Variants in IRS2 observed in about 807,000 individuals in gnomAD.
IRS2 encodes insulin receptor substrate 2.
IRS2 carries 28 observed loss-of-function variants against 70.9 expected under a neutral mutation model. That is an observed-to-expected ratio of 0.39 (90% confidence interval 0.29 to 0.54). IRS2 has a LOEUF of 0.54. Ranked by LOEUF, IRS2 falls within the 20% of genes least tolerant of loss-of-function variation. The pLI, the probability that IRS2 is intolerant of heterozygous loss-of-function variation, is 0.59. For synonymous variants in IRS2, 1,217 were observed against 981.9 expected (o/e 1.24, Z -4.48); for missense variants, 2,081 against 2,024.1 (o/e 1.03, Z -0.54).
Position 109,786,101 on chromosome 13 carries a change from G to C in IRS2, c.-48C>G, listed in dbSNP as rs1877916406. ...GCCCGGGCCCGGCGCCCAGGGGTTG[G>C]GGCGAGGGGCGGAGGGGGCGCGGGC... On this transcript the variant is annotated 5_prime_UTR_variant, in exon 1 of 2. Transcript: ENST00000375856. This position sits in a 1 kb window ranked among gnomAD's most constrained non-coding sequence, Gnocchi z 4.4. 5 of 994,330 alleles carry C rather than the reference G, an allele frequency of 5.0e-6. No homozygotes were observed. Among genetic ancestry groups the C allele is most frequent in the Non-Finnish European group, 6.0e-6 (5 of 837,486 alleles). The allele number at this position is 994,330 out of a possible 1,614,324, so 61.6% of individuals were successfully genotyped here.
At position 109,783,063 on chromosome 13, in the gene IRS2, G is replaced by C; in HGVS notation, c.2991C>G (p.His997Gln). The C allele has an allele frequency of 1.4e-6, 2 of 1,379,682 alleles. No homozygotes were observed. 85.5% of individuals were successfully genotyped at this position (1,379,682 alleles called of 1,614,324 possible). A position where few individuals can be genotyped will look rare whatever the true frequency, so the allele number is the denominator to read the frequency against. The change falls in exon 1 of 2, where the codon CAC becomes CAG. Residue 997 changes from histidine to glutamine, a missense_variant. Physicochemically the swap from His to Gln is conservative, Grantham distance 24 (BLOSUM62 0). Around this residue, in one of 4 missense-constraint regions of IRS2, gnomAD observed 1,615 missense variants for 1,459.5 expected, o/e 1.11. Coordinates refer to ENST00000375856, the MANE Select transcript of IRS2 (RefSeq NM_003749.3). ...KSPKPGAPSG[H>Q]PVGSLDGLLS... Reference sequence around the variant, plus strand: ...GGAGGCCGTCCAAGGAGCCCACGGGGTGGCCGCTCGGGGCGCCCGGCTTAG... The same window carrying C: ...GGAGGCCGTCCAAGGAGCCCACGGGCTGGCCGCTCGGGGCGCCCGGCTTAG...
Position 109,784,832 on chromosome 13 carries a change from C to G in IRS2, c.1222G>C (p.Gly408Arg). ...PLSRSHTLSG[G>R]CGGRGSKVAL... ...ACCTTGCTCCCGCGGCCGCCGCAGC[C>G]GCCGCTCAGGGTGTGCGAGCGGCTC... The change falls in exon 1 of 2, where the codon GGC (glycine) becomes CGC (arginine). Residue 408 changes from glycine (G) to arginine (R), a missense_variant. Coordinates refer to ENST00000375856, the MANE Select transcript of IRS2 (RefSeq NM_003749.3). The surrounding 1 kb of genome is among the most constrained non-coding windows in gnomAD (Gnocchi z 5.2). The G allele has an allele frequency of 8.0e-7, 1 of 1,253,844 alleles. No individual in the cohort carries two copies. The highest frequency in any genetic ancestry group is 1.0e-6 in the Non-Finnish European group (1 of 990,008). 77.7% of individuals were successfully genotyped at this position (1,253,844 alleles called of 1,614,324 possible). A position where few individuals can be genotyped will look rare whatever the true frequency, so the allele number is the denominator to read the frequency against.
intron 1 of IRS2, among the ~76,000 whole-genome samples, chr13:109,759,143 G>A (rs1272078909): frequency 6.6e-6 from 1 of 152,178 alleles, no homozygotes; most frequent in Admixed American, 6.5e-5. Context: ...CAAGCACAAC[G>A]TGCATGTGTC....
intron 1 of IRS2, among the ~76,000 whole-genome samples, chr13:109,772,315 C>G (rs1877469401): frequency 6.6e-6 from 1 of 152,240 alleles, no homozygotes; most frequent in Non-Finnish European, 1.5e-5. Flanking sequence ...GCACCCAAAC[C>G]TTGCTGGGGA....
Position 109,783,577 on chromosome 13 carries a change from A to C in IRS2, c.2477T>G (p.Met826Arg). Reference protein sequence around the residue: ...CGGDSDQYVLMSSPVGRILEE... With the variant: ...CGGDSDQYVLRSSPVGRILEE... Reference sequence around the variant, plus strand: ...CAGGATGCGCCCCACGGGGGAGCTCATGAGCACGTACTGGTCGCTGTCCCC... The same window carrying C: ...CAGGATGCGCCCCACGGGGGAGCTCCTGAGCACGTACTGGTCGCTGTCCCC... The change falls in exon 1 of 2, where the codon ATG becomes AGG. Residue 826 changes from methionine to arginine, a missense_variant. Around this residue, in one of 4 missense-constraint regions of IRS2, gnomAD observed 1,615 missense variants for 1,459.5 expected, o/e 1.11. Transcript: ENST00000375856. 1 of 1,548,910 alleles carries C rather than the reference A, an allele frequency of 6.5e-7. No individual in the cohort carries two copies. The highest frequency in any genetic ancestry group is 8.7e-7 in the Non-Finnish European group (1 of 1,145,994).
chr13:109,783,044 C>T lies in IRS2; in HGVS notation c.3010G>A (p.Gly1004Ser), dbSNP rs1376455593. The change falls in exon 1 of 2, where the codon GGC becomes AGC. Residue 1004 changes from glycine (G) to serine (S), a missense_variant. Physicochemically the swap from Gly to Ser is moderately conservative, Grantham distance 56. Around this residue, in one of 4 missense-constraint regions of IRS2, gnomAD observed 1,615 missense variants for 1,459.5 expected, o/e 1.11. Transcript: ENST00000375856. ...GAGGAGGCCTCGGGGGACAGGAGGC[C>T]GTCCAAGGAGCCCACGGGGTGGCCG... ...PSGHPVGSLD[G>S]LLSPEASSPY... 4 of 1,367,974 alleles carry T rather than the reference C, an allele frequency of 2.9e-6. No homozygotes were observed. Among genetic ancestry groups the T allele is most frequent in the East Asian group, 3.0e-5 (1 of 33,712 alleles). 84.7% of individuals were successfully genotyped at this position (1,367,974 alleles called of 1,614,324 possible).
chr13:109,758,788 T>C (rs1160935215), intron 1 of IRS2, among the ~76,000 whole-genome samples: 2 of 147,532 alleles, frequency 1.4e-5, no homozygotes, highest in African/African-American at 2.5e-5. Context: ...AATTCTACTC[T>C]GGTGCAAGGC....
rs1388637654 is a variant in IRS2 at position 109,756,267 on chromosome 13, G to A, written c.*37C>T. 1.9e-6 allele frequency: 3 copies of A among 1,573,544 alleles called. No homozygotes were observed. The African/African-American group carries it at 4.1e-5, about 21-fold the overall frequency. ...GCGTCTTCTTTTAATGATACTCTCT[G>A]ACATGTGACATCCTGGTGATAAAGC... On this transcript the variant is annotated 3_prime_UTR_variant, in exon 2 of 2. Coordinates refer to ENST00000375856, the MANE Select transcript of IRS2 (RefSeq NM_003749.3).
In IRS2 at chr13:109,782,116, GC is replaced by G. The variant is rs1566411826; in HGVS notation, c.3937del (p.Ala1313ProfsTer18). 2 of 1,610,886 alleles carry G rather than the reference GC, an allele frequency of 1.2e-6. No homozygotes were observed. The highest frequency in any genetic ancestry group is 1.7e-6 in the Non-Finnish European group (2 of 1,179,204). ...GGCGTAGGTGTTGGCAGGGGGCAGG[GC>G]ACCGGGACCCGGCCCCCCGCACCCG... Reference protein sequence around the residue: ...GGGCGGPGPGALPPANTYASI... With the variant: ...GGGCGGPGPGXLPPANTYASI... On this transcript the variant is annotated frameshift_variant, in exon 1 of 2. Transcript: ENST00000375856. LOFTEE classifies it high-confidence loss of function.
At chr13:109,770,566 G>A (rs542981005) in intron 1 of IRS2, among the ~76,000 whole-genome samples, 1 of 152,328 alleles carries the variant, frequency 6.6e-6, no homozygotes, top group East Asian at 1.9e-4. Context: ...TACTGTGAAT[G>A]TTCCAGCAAG....
At chr13:109,763,536 G>A (rs1877272557) in intron 1 of IRS2, among the ~76,000 whole-genome samples, 1 of 152,274 alleles carries the variant, frequency 6.6e-6, no homozygotes, top group East Asian at 1.9e-4. Context: ...GTTTATATAT[G>A]AGATCTACAA....
chr13:109,784,836 G>A lies in IRS2; in HGVS notation c.1218C>T (p.Ser406=), dbSNP rs1877864865. 3 of 1,248,712 alleles carry A rather than the reference G, an allele frequency of 2.4e-6. No homozygotes were observed. Among genetic ancestry groups the A allele is most frequent in the South Asian group, 2.2e-5 (1 of 45,346 alleles). The allele number at this position is 1,248,712 out of a possible 1,614,324, so 77.4% of individuals were successfully genotyped here. Residue 406 remains serine, a synonymous_variant, in exon 1 of 2, where the codon AGC becomes AGT. Coordinates refer to ENST00000375856, the MANE Select transcript of IRS2 (RefSeq NM_003749.3). The surrounding 1 kb of genome is among the most constrained non-coding windows in gnomAD (Gnocchi z 5.2). ...TGCTCCCGCGGCCGCCGCAGCCGCCGCTCAGGGTGTGCGAGCGGCTCAGGG... is the reference window on the plus strand; with the variant it reads ...TGCTCCCGCGGCCGCCGCAGCCGCCACTCAGGGTGTGCGAGCGGCTCAGGG... ...RAPLSRSHTL[S]GGCGGRGSKV... is the part of the protein sequence containing the mutation.
At chr13:109,760,016 T>C (rs575621084) in intron 1 of IRS2, among the ~76,000 whole-genome samples, 1 of 152,314 alleles carries the variant, frequency 6.6e-6, no homozygotes, top group South Asian at 2.1e-4. Flanking sequence ...AAAATCAGCC[T>C]GGTTCATCCT....
intron 1 of IRS2, among the ~76,000 whole-genome samples, chr13:109,775,084 G>T (rs1377358888): frequency 6.7e-6 from 1 of 148,416 alleles, no homozygotes; most frequent in Non-Finnish European, 1.5e-5. Flanking sequence ...AAATATTAAA[G>T]ATTAAGCATT....
chr13:109,771,834 T>C (rs1348421053), intron 1 of IRS2, among the ~76,000 whole-genome samples: 1 of 152,212 alleles, frequency 6.6e-6, no homozygotes, highest in African/African-American at 2.4e-5. Flanking sequence ...CACAGTAAAC[T>C]AGGGTCCCAG....
chr13:109,773,549 C>T (rs1179100640), intron 1 of IRS2, among the ~76,000 whole-genome samples: 2 of 152,158 alleles, frequency 1.3e-5, no homozygotes, highest in African/African-American at 2.4e-5. Context: ...CTAGGCCTTT[C>T]GATTTCACTG....
intron 1 of IRS2, among the ~76,000 whole-genome samples, chr13:109,759,698 A>G (rs1180452520): frequency 6.6e-6 from 1 of 152,086 alleles, no homozygotes; most frequent in Non-Finnish European, 1.5e-5. Context: ...TCTTTGCCAC[A>G]CATACTATTA....
In IRS2 at chr13:109,784,183, G is replaced by T; in HGVS notation, c.1871C>A (p.Ala624Asp). ...GTAGTCCTCTGGGTAGGGGTGGTAG[G>T]CCACCTTGGGAGAGGACGCGGGGCA... ...PSCPASSPKV[A>D]YHPYPEDYGD... Residue 624 changes from alanine (A) to aspartate (D), a missense_variant, in exon 1 of 2, where the codon GCC (alanine) becomes GAC (aspartate). Physicochemically the swap from Ala to Asp is moderately radical, Grantham distance 126. Transcript: ENST00000375856. The surrounding 1 kb of genome is among the most constrained non-coding windows in gnomAD (Gnocchi z 5.2). 1 of 1,578,552 alleles carries T rather than the reference G, an allele frequency of 6.3e-7. No homozygotes were observed.
At position 109,752,944 on chromosome 13, in the gene IRS2, A is replaced by C. The variant is rs1594375994; in HGVS notation, c.*3360T>G. The C allele has an allele frequency of 6.8e-6, 1 of 147,342 alleles. No individual in the cohort carries two copies. The highest frequency in any genetic ancestry group is 1.5e-5 in the Non-Finnish European group (1 of 67,634). 9.1% of individuals were successfully genotyped at this position (147,342 alleles called of 1,614,324 possible). Reference sequence around the variant, plus strand: ...GTCTTCTTCTGTGTTTGTGTCATGGAGGCAGCATTCTTCTTCTTTTTTTTT... The same window carrying C: ...GTCTTCTTCTGTGTTTGTGTCATGGCGGCAGCATTCTTCTTCTTTTTTTTT... On this transcript the variant is annotated 3_prime_UTR_variant, in exon 2 of 2. Coordinates refer to ENST00000375856, the MANE Select transcript of IRS2 (RefSeq NM_003749.3).
Sources: allele counts gnomAD v4.1 joint callset (sites outside exome capture counted in the v4.1 genomes callset), GRCh38; gene constraint gnomAD v4.1.1; regional missense constraint gnomAD v4.1.1; non-coding constraint Gnocchi (gnomAD v3.1); transcripts MANE v1.5; gene names NCBI Gene and HGNC (gene_info 2026-07-23, HGNC 2026-07-21).